The following LDLRAD4 variants were observed in gnomAD, a reference collection of about 807,000 sequenced individuals.
The protein encoded by LDLRAD4 is low-density lipoprotein receptor class A domain-containing protein 4.
Under a neutral mutation model 17.0 loss-of-function variants are expected in LDLRAD4, and 5 were observed. That is an observed-to-expected ratio of 0.29 (90% CI 0.15 to 0.62). The LOEUF (loss-of-function observed/expected upper bound fraction) is 0.62, where lower values mean the gene tolerates loss of function less well. LDLRAD4 is among the 20% of genes least tolerant of loss of function. LDLRAD4 has a pLI of 0.84. For missense variants in LDLRAD4, 340 were observed against 424.7 expected (o/e 0.80, Z 1.75); for synonymous variants, 168 against 171.8 (o/e 0.98, Z 0.17).
At chr18:13,239,647 C>T (rs1384770054) in intron 1 of LDLRAD4, 1 of 152,294 alleles carries the variant, frequency 6.6e-6, no homozygotes, top group East Asian at 1.9e-4. Context: ...AACAGCTGCG[C>T]TCATTCACTC....
At chr18:13,394,249 C>T (rs1407449483) in intron 2 of LDLRAD4, among the ~76,000 whole-genome samples, 3 of 152,114 alleles carry the variant, frequency 2.0e-5, no homozygotes, top group African/African-American at 7.2e-5. Flanking sequence ...CCCATAAGCA[C>T]CAAACTCTTC....
At chr18:13,310,324 C>A (rs902461941) in intron 1 of LDLRAD4, among the ~76,000 whole-genome samples, 1 of 151,734 alleles carries the variant, frequency 6.6e-6, no homozygotes, top group African/African-American at 2.4e-5. Context: ...TGCCCTCCTC[C>A]AGCCTGGGTG....
At chr18:13,530,039 T>C (rs1444394344) in intron 3 of LDLRAD4, among the ~76,000 whole-genome samples, 1 of 152,240 alleles carries the variant, frequency 6.6e-6, no homozygotes, top group Admixed American at 6.5e-5. Context: ...CTCAAATATG[T>C]GTCCTTAGAG....
At chr18:13,435,083 C>G (rs2146104759) in intron 2 of LDLRAD4, among the ~76,000 whole-genome samples, 1 of 152,336 alleles carries the variant, frequency 6.6e-6, no homozygotes. Context: ...TTTGAAATAT[C>G]ACAATAATCT....
chr18:13,240,001 G>A (rs1008139135), intron 1 of LDLRAD4: 1 of 152,264 alleles, frequency 6.6e-6, no homozygotes, highest in African/African-American at 2.4e-5. Flanking sequence ...GCCAGTTGTA[G>A]GGTCCCTGTT....
At chr18:13,268,668 C>T (rs1455614378) in intron 1 of LDLRAD4, among the ~76,000 whole-genome samples, 1 of 152,160 alleles carries the variant, frequency 6.6e-6, no homozygotes, top group Non-Finnish European at 1.5e-5. Context: ...AGAAGCTATG[C>T]AGTATTATAT....
intron 2 of LDLRAD4, chr18:13,419,471 G>A (rs1164553608): frequency 2.0e-5 from 3 of 152,070 alleles, no homozygotes; most frequent in South Asian, 4.2e-4. Context: ...GGGTGCAGTG[G>A]TACAATCATA....
chr18:13,481,486 G>A (rs191010475), intron 3 of LDLRAD4, among the ~76,000 whole-genome samples: 40 of 152,284 alleles, frequency 2.6e-4, no homozygotes, highest in African/African-American at 9.4e-4. Flanking sequence ...GCTGTGACAC[G>A]GTTGTGCATG....
intron 2 of LDLRAD4, among the ~76,000 whole-genome samples, chr18:13,408,047 T>C (rs2087935691): frequency 6.6e-6 from 1 of 152,216 alleles, no homozygotes; most frequent in Non-Finnish European, 1.5e-5. Context: ...ATATAGTGTG[T>C]TACAATTACT....
chr18:13,437,015 GC>G (rs1240402063), intron 2 of LDLRAD4, among the ~76,000 whole-genome samples: 1 of 152,234 alleles, frequency 6.6e-6, no homozygotes, highest in East Asian at 1.9e-4. Context: ...TTATTGTCTT[GC>G]GGGCCACAGT....
intron 3 of LDLRAD4, among the ~76,000 whole-genome samples, chr18:13,597,499 T>C (rs2095109120): frequency 9.7e-6 from 1 of 103,374 alleles, no homozygotes; most frequent in African/African-American, 3.5e-5. Flanking sequence ...TTTTTGTTTC[T>C]GCTCATTTCT....
intron 1 of LDLRAD4, among the ~76,000 whole-genome samples, chr18:13,379,946 G>A (rs1277155834): frequency 2.0e-5 from 3 of 152,244 alleles, no homozygotes; most frequent in African/African-American, 7.2e-5. Context: ...ATCCCTGGGT[G>A]TGGAGGATTG....
intron 4 of LDLRAD4, chr18:13,642,273 C>T: frequency 1.0e-6 from 1 of 988,192 alleles, no homozygotes; most frequent in Non-Finnish European, 1.2e-6. Context: ...GCCCAGCCCG[C>T]CCGTTTCCGA....
intron 1 of LDLRAD4, among the ~76,000 whole-genome samples, chr18:13,337,247 A>T (rs1177305720): frequency 6.6e-6 from 1 of 152,230 alleles, no homozygotes; most frequent in Non-Finnish European, 1.5e-5. Context: ...ATCATGGACT[A>T]CAGCCGTGTC....
chr18:13,544,885 CTTTTTTTT>C (rs58284452), intron 3 of LDLRAD4, among the ~76,000 whole-genome samples: 2 of 122,854 alleles, frequency 1.6e-5, no homozygotes, highest in Non-Finnish European at 1.7e-5. Context: ...GATGGTTTGT[CTTTTTTTT>C]TTTTTTTTTT....
intron 2 of LDLRAD4, among the ~76,000 whole-genome samples, chr18:13,434,344 A>C (rs1335935471): frequency 6.6e-6 from 1 of 151,804 alleles, no homozygotes; most frequent in Non-Finnish European, 1.5e-5. Flanking sequence ...TTTTAAGAAG[A>C]GGAGTGATTT....
intron 3 of LDLRAD4, among the ~76,000 whole-genome samples, chr18:13,481,113 G>A (rs879855133): frequency 1.3e-5 from 2 of 152,210 alleles, no homozygotes; most frequent in Admixed American, 1.3e-4. Context: ...GCTGCACAAT[G>A]GCTGAGCCTG....
chr18:13,490,432 C>T lies in LDLRAD4; in HGVS notation c.181+52048C>T, dbSNP rs537395363. The T allele has an allele frequency of 8.4e-4, 128 of 152,302 alleles. 1 individual carries two copies. The highest frequency in any genetic ancestry group is 2.7e-3 in the African/African-American group (114 of 41,574). 9.4% of individuals were successfully genotyped at this position (152,302 alleles called of 1,614,324 possible). A position where few individuals can be genotyped will look rare whatever the true frequency, so the allele number is the denominator to read the frequency against. On this transcript the variant is annotated intron_variant, in intron 3 of 5. Coordinates refer to ENST00000359446, the Ensembl canonical transcript of LDLRAD4. ...ATCCAAAAAAGTTCAAAATTCGAAA[C>T]ACTTCTGACTCCAGGCATTTTGGAT...
At chr18:13,572,149 A>G (rs1447839321) in intron 3 of LDLRAD4, among the ~76,000 whole-genome samples, 1 of 152,238 alleles carries the variant, frequency 6.6e-6, no homozygotes, top group Non-Finnish European at 1.5e-5. Flanking sequence ...GACTTGCTGT[A>G]TGTCATTTCG....
Sources: allele counts gnomAD v4.1 joint callset (sites outside exome capture counted in the v4.1 genomes callset), GRCh38; gene constraint gnomAD v4.1.1; transcripts MANE v1.5; gene names NCBI Gene and HGNC (gene_info 2026-07-23, HGNC 2026-07-21).